Variants in GNAQ observed in about 807,000 individuals in gnomAD.
The protein encoded by GNAQ is G protein subunit alpha q, also known as guanine nucleotide-binding protein G(q) subunit alpha.
Under a neutral mutation model 43.9 loss-of-function variants are expected in GNAQ, and 8 were observed. The ratio of observed to expected loss-of-function variants is 0.18; its 90% CI spans 0.11 to 0.33. The LOEUF (loss-of-function observed/expected upper bound fraction) is 0.33. Ranked by LOEUF, GNAQ falls within the 10% of genes least tolerant of loss-of-function variation. The probability of loss-of-function intolerance (pLI) is 1.00; values close to 1 mark genes in which losing one functional copy is unlikely to be tolerated. For synonymous variants in GNAQ, 155 were observed against 170.7 expected (o/e 0.91, Z 0.71); for missense variants, 158 against 450.8 (o/e 0.35, Z 5.88).
intron 2 of GNAQ, among the ~76,000 whole-genome samples, chr9:77,892,967 C>G (rs921149312): frequency 7.2e-5 from 11 of 152,096 alleles, no homozygotes; most frequent in African/African-American, 2.7e-4. Flanking sequence ...ATAACTCTAT[C>G]AAAATGTCAA....
intron 2 of GNAQ, among the ~76,000 whole-genome samples, chr9:77,849,277 C>T (rs1398417236): frequency 1.3e-5 from 2 of 152,110 alleles, no homozygotes; most frequent in African/African-American, 4.8e-5. Flanking sequence ...ACATGACTCT[C>T]AAGCATCCTA....
chr9:77,783,353 A>G (rs540000748), intron 5 of GNAQ, among the ~76,000 whole-genome samples: 10 of 152,344 alleles, frequency 6.6e-5, no homozygotes, highest in African/African-American at 2.2e-4. Context: ...TAATGACTGT[A>G]CATTTCTGTG....
At chr9:77,824,126 A>AT (rs1360670040) in intron 2 of GNAQ, among the ~76,000 whole-genome samples, 1 of 152,116 alleles carries the variant, frequency 6.6e-6, no homozygotes, top group Non-Finnish European at 1.5e-5. Context: ...AGAGAACTAT[A>AT]TTTTTTCAAT....
intron 5 of GNAQ, among the ~76,000 whole-genome samples, chr9:77,750,663 G>GA (rs34491949): frequency 7.9e-5 from 12 of 151,432 alleles, no homozygotes; most frequent in East Asian, 2.0e-4. Context: ...CATCAAGCTG[G>GA]AAAAAAAAAT....
intron 1 of GNAQ, among the ~76,000 whole-genome samples, chr9:77,975,176 T>C (rs975143383): frequency 3.3e-5 from 5 of 152,188 alleles, no homozygotes; most frequent in Admixed American, 3.3e-4. Context: ...GACCCAGGAT[T>C]AAGTGGGATA....
intron 5 of GNAQ, among the ~76,000 whole-genome samples, chr9:77,789,565 C>T (rs1056727076): frequency 2.6e-5 from 4 of 152,074 alleles, no homozygotes; most frequent in Admixed American, 1.3e-4. Flanking sequence ...CTGTTTACAC[C>T]TTAGCCTTGG....
intron 1 of GNAQ, among the ~76,000 whole-genome samples, chr9:77,938,375 T>C (rs1320803606): frequency 6.6e-6 from 1 of 152,170 alleles, no homozygotes; most frequent in Non-Finnish European, 1.5e-5. Flanking sequence ...CAACAGCCTA[T>C]GAGATGCTAT....
chr9:77,907,861 T>C (rs1828736561), intron 2 of GNAQ, among the ~76,000 whole-genome samples: 2 of 152,178 alleles, frequency 1.3e-5, no homozygotes, highest in Middle Eastern at 3.4e-3. Flanking sequence ...ACAGCTGGAG[T>C]GGCCACAGGT....
chr9:77,821,433 C>G (rs1827110561), intron 2 of GNAQ, among the ~76,000 whole-genome samples: 1 of 151,952 alleles, frequency 6.6e-6, no homozygotes, highest in African/African-American at 2.4e-5. Flanking sequence ...CTACCATTTT[C>G]CATGTAAATA....
At chr9:78,026,366 G>T (rs554921849) in intron 1 of GNAQ, among the ~76,000 whole-genome samples, 1 of 152,020 alleles carries the variant, frequency 6.6e-6, no homozygotes, top group Admixed American at 6.6e-5. Flanking sequence ...TTTTTATGAG[G>T]GATGTTCCCA....
intron 1 of GNAQ, among the ~76,000 whole-genome samples, chr9:77,956,306 C>T (rs1451935846): frequency 2.0e-5 from 3 of 152,128 alleles, no homozygotes; most frequent in Non-Finnish European, 2.9e-5. Context: ...AAGGGAACTA[C>T]TAGAAAAACA....
intron 2 of GNAQ, among the ~76,000 whole-genome samples, chr9:77,903,956 T>C (rs1003758140): frequency 3.9e-5 from 6 of 152,030 alleles, no homozygotes; most frequent in African/African-American, 1.4e-4. Flanking sequence ...CAAAAAAATC[T>C]TGTGAAATCA....
chr9:77,903,425 T>C (rs1230968811), intron 2 of GNAQ, among the ~76,000 whole-genome samples: 1 of 152,162 alleles, frequency 6.6e-6, no homozygotes. Context: ...AGGGAGAGGA[T>C]AGAAGCAGGG....
intron 2 of GNAQ, among the ~76,000 whole-genome samples, chr9:77,914,022 A>G (rs1828854304): frequency 6.6e-6 from 1 of 152,220 alleles, no homozygotes; most frequent in Non-Finnish European, 1.5e-5. Context: ...GCAATATGGC[A>G]TGCCTTGGGA....
At chr9:77,998,010 T>C (rs1394144044) in intron 1 of GNAQ, among the ~76,000 whole-genome samples, 1 of 152,150 alleles carries the variant, frequency 6.6e-6, no homozygotes, top group East Asian at 1.9e-4. Flanking sequence ...AATTAATCCA[T>C]CAACTGCTCT....
At chr9:77,788,303 C>A (rs1009447497) in intron 5 of GNAQ, among the ~76,000 whole-genome samples, 1 of 151,774 alleles carries the variant, frequency 6.6e-6, no homozygotes, top group African/African-American at 2.4e-5. Flanking sequence ...GGAACAGTCA[C>A]GTAATAGAGT....
chr9:78,031,595 G>A lies in GNAQ; in HGVS notation c.-360C>T. On this transcript the variant is annotated 5_prime_UTR_variant, in exon 1 of 7. Transcript: ENST00000286548. ...GGCCCGCCTCGCCCCCCGAGCCGCC[G>A]CCGCCGCCGCCGCCTGCGAGGCTCC... 6.6e-6 allele frequency: 1 copy of A among 150,638 alleles called. No homozygotes were observed. Among genetic ancestry groups the A allele is most frequent in the Non-Finnish European group, 1.5e-5 (1 of 68,338 alleles). 9.3% of individuals were successfully genotyped at this position (150,638 alleles called of 1,614,324 possible).
intron 1 of GNAQ, among the ~76,000 whole-genome samples, chr9:77,925,042 C>A (rs913955402): frequency 1.3e-5 from 2 of 152,080 alleles, no homozygotes; most frequent in Non-Finnish European, 2.9e-5. Context: ...AAGGTCCCAG[C>A]TCCTGCTGGG....
intron 2 of GNAQ, among the ~76,000 whole-genome samples, chr9:77,881,491 A>G (rs1828205706): frequency 6.6e-6 from 1 of 151,988 alleles, no homozygotes; most frequent in Non-Finnish European, 1.5e-5. Context: ...TGATCCTCCC[A>G]CCTCAGCCCC....
Sources: gnomAD v4.1 joint callset for allele counts (sites outside exome capture counted in the v4.1 genomes callset) on GRCh38, gnomAD v4.1.1 for gene constraint, MANE v1.5 for transcripts, NCBI Gene and HGNC (gene_info 2026-07-23, HGNC 2026-07-21) for gene names.